Variants in NF1 observed in about 807,000 individuals in gnomAD.
NF1 encodes neurofibromin.
In NF1, 122 loss-of-function variants were observed where a neutral mutation model predicts 325.7. The ratio of observed to expected loss-of-function variants is 0.37; its 90% CI spans 0.32 to 0.44. NF1 has a LOEUF of 0.44. Ranked by LOEUF, NF1 falls within the 20% of genes least tolerant of loss-of-function variation. The pLI is 1.00. For missense variants in NF1, 2,140 were observed against 3,415.4 expected (o/e 0.63, Z 9.31); for synonymous variants, 1,091 against 1,186.0 (o/e 0.92, Z 1.65).
intron 29 of NF1, among the ~76,000 whole-genome samples, chr17:31,243,293 A>G (rs1016179007): frequency 2.0e-5 from 3 of 151,574 alleles, no homozygotes; most frequent in Admixed American, 6.6e-5. Context: ...GGTCTTGCCC[A>G]AGGCCTGCAG....
intron 5 of NF1, among the ~76,000 whole-genome samples, chr17:31,175,148 C>G (rs1385936406): frequency 2.3e-5 from 3 of 128,964 alleles, no homozygotes; most frequent in Non-Finnish European, 3.3e-5. Flanking sequence ...TTTACTGATA[C>G]AGAAATAATT....
chr17:31,242,729 C>T (rs2067322012), intron 29 of NF1, among the ~76,000 whole-genome samples: 1 of 152,200 alleles, frequency 6.6e-6, no homozygotes, highest in Non-Finnish European at 1.5e-5. Context: ...TTCCTCAAAA[C>T]AGCTATTTTG....
chr17:31,112,603 C>G (rs62068817), intron 1 of NF1, among the ~76,000 whole-genome samples: 97 of 152,040 alleles, frequency 6.4e-4, no homozygotes, highest in Non-Finnish European at 1.2e-3. Flanking sequence ...AGCTGTTTAT[C>G]TCTTTTGCCC....
rs17879053 is a variant in NF1, at chr17:31,135,110, A to G, written c.61-20873A>G. 1.6e-3 allele frequency among the ~76,000 whole-genome samples: 245 copies of G among 152,162 alleles called. 1 individual carries two copies. Among genetic ancestry groups the G allele is most frequent in the African/African-American group, 5.6e-3 (234 of 41,512 alleles). ...TTGATCAAGTTTATTAAGCAGTTCA[A>G]CTCTTCTAAATTCTGATTCTTTTTT... On this transcript the variant is annotated intron_variant, in intron 1 of 57. Transcript: ENST00000358273.
chr17:31,183,004 T>A, intron 8 of NF1: 1 of 554,184 alleles, frequency 1.8e-6, no homozygotes. Context: ...TCATCACTTT[T>A]ATAGTGTGTT....
At chr17:31,100,250 A>G (rs1912196964) in intron 1 of NF1, among the ~76,000 whole-genome samples, 1 of 152,198 alleles carries the variant, frequency 6.6e-6, no homozygotes, top group Non-Finnish European at 1.5e-5. Context: ...GCGGTGAGTG[A>G]TTCACAGTAT....
chr17:31,116,676 T>A (rs919697045), intron 1 of NF1, among the ~76,000 whole-genome samples: 9 of 152,038 alleles, frequency 5.9e-5, no homozygotes, highest in Non-Finnish European at 1.0e-4. Flanking sequence ...TTTATTTATT[T>A]ATTTTTTTCG....
At chr17:31,272,666 T>A (rs2067923955) in intron 36 of NF1, 1 of 152,214 alleles carries the variant, frequency 6.6e-6, no homozygotes, top group African/African-American at 2.4e-5. Flanking sequence ...GATTGGATAC[T>A]GCCATAGAAT....
chr17:31,227,823 A>G (rs1236163126), intron 20 of NF1, among the ~76,000 whole-genome samples: 2 of 152,254 alleles, frequency 1.3e-5, no homozygotes, highest in African/African-American at 4.8e-5. Flanking sequence ...AAAATTAAAT[A>G]AAATTTAGTT....
intron 36 of NF1, among the ~76,000 whole-genome samples, chr17:31,309,714 AG>A (rs1224782593): frequency 6.6e-6 from 1 of 152,206 alleles, no homozygotes; most frequent in East Asian, 1.9e-4. Flanking sequence ...AGAGAAGGAC[AG>A]GGCCCAAACA....
rs551501535 is a variant in NF1 at position 31,349,915 on chromosome 17, TA to T, written c.7322-266del. Reference sequence around the variant, plus strand: ...ACCGTATCATCTTGAGCAAATCATTTAACATCTCAGTATTTTTTCTCATTCA... The same window carrying T: ...ACCGTATCATCTTGAGCAAATCATTTACATCTCAGTATTTTTTCTCATTCA... On this transcript the variant is annotated intron_variant, in intron 49 of 57. Coordinates refer to ENST00000358273, the MANE Select transcript of NF1 (RefSeq NM_001042492.3). Among the ~76,000 whole-genome samples, 216 of 152,352 alleles carry T rather than the reference TA, an allele frequency of 1.4e-3. 1 individual carries two copies. The highest frequency in any genetic ancestry group is 1.6e-3 in the Admixed American group (24 of 15,302).
At chr17:31,144,394 T>C (rs987432790) in intron 1 of NF1, among the ~76,000 whole-genome samples, 8 of 152,210 alleles carry the variant, frequency 5.3e-5, no homozygotes, top group South Asian at 2.1e-4. Flanking sequence ...AGTGCCTTTT[T>C]CCCCTGTCTT....
At chr17:31,358,668 A>T (rs934484504) in intron 55 of NF1, 46 bp downstream of exon 55, 5 of 1,608,866 alleles carry the variant, frequency 3.1e-6, no homozygotes, top group Non-Finnish European at 3.4e-6. Context: ...ACTTGCTAAC[A>T]TGCGCGCTGT....
intron 8 of NF1, among the ~76,000 whole-genome samples, chr17:31,189,546 C>T (rs1366142107): frequency 5.9e-5 from 9 of 152,130 alleles, no homozygotes; most frequent in Non-Finnish European, 1.3e-4. Flanking sequence ...TCTCGCCTCA[C>T]TCGCAGCCCT....
intron 29 of NF1, among the ~76,000 whole-genome samples, chr17:31,238,424 G>A (rs547748091): frequency 1.4e-4 from 22 of 152,182 alleles, no homozygotes; most frequent in South Asian, 8.3e-4. Context: ...GTTTCTGTAA[G>A]AAGAGAGAAA....
intron 29 of NF1, among the ~76,000 whole-genome samples, chr17:31,237,649 A>G (rs1597724692): frequency 1.6e-5 from 2 of 127,044 alleles, no homozygotes; most frequent in Non-Finnish European, 3.1e-5. Context: ...ACAACTTCTC[A>G]TGTCTACTTT....
intron 30 of NF1, chr17:31,252,008 C>G (rs1202854052): frequency 9.3e-6 from 2 of 214,730 alleles, no homozygotes; most frequent in African/African-American, 4.5e-5. Context: ...ATTATTCTGC[C>G]TAGGCTAGTC....
chr17:31,144,562 C>T (rs1916456836), intron 1 of NF1, among the ~76,000 whole-genome samples: 1 of 152,174 alleles, frequency 6.6e-6, no homozygotes, highest in African/African-American at 2.4e-5. Flanking sequence ...TGGAGAATCC[C>T]TTCCATTATG....
chr17:31,302,953 C>T (rs1395808729), intron 36 of NF1, among the ~76,000 whole-genome samples: 1 of 152,032 alleles, frequency 6.6e-6, no homozygotes, highest in Non-Finnish European at 1.5e-5. Context: ...AAGTAAGAAG[C>T]TCAAGGAAGT....
Sources: gnomAD v4.1 joint callset for allele counts (sites outside exome capture counted in the v4.1 genomes callset) on GRCh38, gnomAD v4.1.1 for gene constraint, MANE v1.5 for transcripts, NCBI Gene and HGNC (gene_info 2026-07-23, HGNC 2026-07-21) for gene names.